SLC25A23: variants seen among roughly 807,000 people sequenced by gnomAD.
The protein encoded by SLC25A23 is solute carrier family 25 member 23.
SLC25A23 carries 32 observed loss-of-function variants against 53.9 expected under a neutral mutation model. That is an observed-to-expected ratio of 0.59 (90% CI 0.45 to 0.80). The LOEUF (loss-of-function observed/expected upper bound fraction) is 0.80, where lower values mean the gene tolerates loss of function less well. SLC25A23 is among the 30% of genes least tolerant of loss of function. The probability of loss-of-function intolerance (pLI) is 0.00; values close to 1 mark genes in which losing one functional copy is unlikely to be tolerated. For missense variants in SLC25A23, 575 were observed against 651.4 expected (o/e 0.88, Z 1.28); for synonymous variants, 275 against 264.5 (o/e 1.04, Z -0.38).
intron 8 of SLC25A23, among the ~76,000 whole-genome samples, chr19:6,447,303 C>T (rs143765533): frequency 1.3e-5 from 2 of 151,982 alleles, no homozygotes; most frequent in East Asian, 3.9e-4. Flanking sequence ...AAGACCAAAA[C>T]TATTATTATT....
intron 9 of SLC25A23, chr19:6,443,525 G>C: frequency 2.9e-6 from 2 of 694,648 alleles, no homozygotes; most frequent in South Asian, 3.0e-5. Context: ...ACTGTGCCCG[G>C]CCTCCTTCTC....
At chr19:6,458,670 T>C (rs1158695644) in intron 1 of SLC25A23, among the ~76,000 whole-genome samples, 1 of 151,358 alleles carries the variant, frequency 6.6e-6, no homozygotes, top group Non-Finnish European at 1.5e-5. Flanking sequence ...GTTTTTGTTA[T>C]TTTTTTAGGT....
chr19:6,453,530 G>A (rs192089333), intron 7 of SLC25A23, among the ~76,000 whole-genome samples: 37 of 152,160 alleles, frequency 2.4e-4, no homozygotes, highest in South Asian at 1.7e-3. Flanking sequence ...GCTAGACATC[G>A]CACCCAGCTG....
intron 7 of SLC25A23, 149 bp downstream of exon 7, chr19:6,453,832 A>G (rs538523668): frequency 2.2e-5 from 13 of 599,292 alleles, no homozygotes; most frequent in Non-Finnish European, 3.1e-5. Flanking sequence ...CAGGCTACAC[A>G]TGAAATTGCA....
chr19:6,457,490 C>T lies in SLC25A23; in HGVS notation c.371+13G>A, dbSNP rs745621991. 1.9e-6 allele frequency: 3 copies of T among 1,613,250 alleles called. No homozygotes were observed. The highest frequency in any genetic ancestry group is 4.5e-5 in the East Asian group (2 of 44,872). ...CCTGAGTTACTTTGGATTCCAGACCCCCAGCGACTCACCTGTGCAAAATTT... is the reference window on the plus strand; with the variant it reads ...CCTGAGTTACTTTGGATTCCAGACCTCCAGCGACTCACCTGTGCAAAATTT... On this transcript the variant is annotated intron_variant, in intron 3 of 9. Transcript: ENST00000301454.
At chr19:6,458,658 T>C (rs2092716530) in intron 1 of SLC25A23, among the ~76,000 whole-genome samples, 1 of 152,182 alleles carries the variant, frequency 6.6e-6, no homozygotes, top group Non-Finnish European at 1.5e-5. Flanking sequence ...CTCTTGTTTT[T>C]AGTTTTTGTT....
chr19:6,436,521 C>A, downstream of SLC25A23: 1 of 444,870 alleles, frequency 2.2e-6, no homozygotes, highest in South Asian at 1.6e-5. Flanking sequence ...GAGCATGTAA[C>A]CAATAACCAG....
Position 6,454,747 on chromosome 19 carries a change from C to A in SLC25A23, c.484-30G>T. The A allele has an allele frequency of 6.2e-7, 1 of 1,610,488 alleles. No homozygotes were observed. Among genetic ancestry groups the A allele is most frequent in the Middle Eastern group, 1.7e-4 (1 of 6,026 alleles). On this transcript the variant is annotated intron_variant, in intron 4 of 9. Coordinates refer to ENST00000301454, the MANE Select transcript of SLC25A23 (RefSeq NM_024103.3). The surrounding 1 kb of genome is among the most constrained non-coding windows in gnomAD (Gnocchi z 4.3). ...AGATACAGGTGTTGGGGGTGTCATG[C>A]CATGGTGGGGACAGGGAGATGTGAC...
In SLC25A23 at chr19:6,454,485, G is replaced by A. The variant is rs998781995; in HGVS notation, c.643-10C>T. ...TCTTTGAGGCATGGACCTGAATGGGGAGACAACAGCTTGGAGGTCCCCTCC... is the reference window on the plus strand; with the variant it reads ...TCTTTGAGGCATGGACCTGAATGGGAAGACAACAGCTTGGAGGTCCCCTCC... On this transcript the variant is annotated splice_polypyrimidine_tract_variant and intron_variant, in intron 5 of 9. Transcript: ENST00000301454. This position sits in a 1 kb window ranked among gnomAD's most constrained non-coding sequence, Gnocchi z 4.3. 3 of 1,613,982 alleles carry A rather than the reference G, an allele frequency of 1.9e-6. No individual in the cohort carries two copies. Among genetic ancestry groups the A allele is most frequent in the East Asian group, 2.2e-5 (1 of 44,876 alleles).
chr19:6,443,513 C>T (rs1418438646), intron 9 of SLC25A23: 2 of 684,112 alleles, frequency 2.9e-6, no homozygotes, highest in Non-Finnish European at 5.3e-6. Flanking sequence ...CAGATGTGAG[C>T]CACTGTGCCC....
chr19:6,456,131 G>A, intron 4 of SLC25A23: 2 of 1,425,154 alleles, frequency 1.4e-6, no homozygotes, highest in Middle Eastern at 1.8e-4. Flanking sequence ...TACCCCATCT[G>A]GTGAGCTCTT....
chr19:6,448,203 A>G (rs911722328), intron 8 of SLC25A23, among the ~76,000 whole-genome samples: 4 of 152,160 alleles, frequency 2.6e-5, no homozygotes, highest in East Asian at 1.9e-4. Context: ...TCCTATGCCA[A>G]TTCTAATCCA....
In SLC25A23 at chr19:6,452,297, G is replaced by A. The variant is rs753709495; in HGVS notation, c.1071+15C>T. On this transcript the variant is annotated intron_variant, in intron 8 of 9. Coordinates refer to ENST00000301454, the MANE Select transcript of SLC25A23 (RefSeq NM_024103.3). ...CAGAGGGGAGCAGGGAAAGAGGAAC[G>A]CGCTGCCCACAGACCTCGTAGACGG... 30 of 1,600,316 alleles carry A rather than the reference G, an allele frequency of 1.9e-5. No individual in the cohort carries two copies. The African/African-American group carries it at 2.3e-4, about 12-fold the overall frequency.
intron 8 of SLC25A23, among the ~76,000 whole-genome samples, chr19:6,445,801 C>T (rs1325572776): frequency 6.6e-6 from 1 of 152,146 alleles, no homozygotes; most frequent in Non-Finnish European, 1.5e-5. Context: ...CCTGTAATCC[C>T]AGCACTTTGG....
chr19:6,454,158 C>T lies in SLC25A23; in HGVS notation c.796-70G>A, dbSNP rs1164981894. 7 of 1,531,886 alleles carry T rather than the reference C, an allele frequency of 4.6e-6. No homozygotes were observed. Among genetic ancestry groups the T allele is most frequent in the African/African-American group, 2.7e-5 (2 of 73,186 alleles). The allele number at this position is 1,531,886 out of a possible 1,614,324, so 94.9% of individuals were successfully genotyped here. A position where few individuals can be genotyped will look rare whatever the true frequency, so the allele number is the denominator to read the frequency against. ...ACCTTCCTTGCACTCCACTGTTCTC[C>T]TGGCTTCCAAAGAACTGGCTTGCTG... On this transcript the variant is annotated intron_variant, in intron 6 of 9. Coordinates refer to ENST00000301454, the MANE Select transcript of SLC25A23 (RefSeq NM_024103.3). The surrounding 1 kb of genome is among the most constrained non-coding windows in gnomAD (Gnocchi z 4.3).
chr19:6,444,799 C>T lies in SLC25A23; in HGVS notation c.1072-498G>A, dbSNP rs188185953. The stretch of plus-strand genomic sequence containing the variant: ...TCTCTTGCCTCAGCCTCCCGGGTAG[C>T]TGGGAATACAGGTGCGTGCCACCAC... On this transcript the variant is annotated intron_variant, in intron 8 of 9. Coordinates refer to ENST00000301454, the MANE Select transcript of SLC25A23 (RefSeq NM_024103.3). Among the ~76,000 whole-genome samples, 19 of 151,360 alleles carry T rather than the reference C, an allele frequency of 1.3e-4. 1 individual carries two copies. Among genetic ancestry groups the T allele is most frequent in the African/African-American group, 4.4e-4 (18 of 41,254 alleles).
At chr19:6,457,788 T>TG (rs1019410885) in intron 2 of SLC25A23, among the ~76,000 whole-genome samples, 198 bp from the exon 3 acceptor site, 3 of 150,656 alleles carry the variant, frequency 2.0e-5, no homozygotes, top group Middle Eastern at 3.2e-3. Flanking sequence ...TGGGAAATAC[T>TG]GGGGGGGCTT....
chr19:6,439,222 A>C (rs539515658), downstream of SLC25A23, among the ~76,000 whole-genome samples: 10 of 152,130 alleles, frequency 6.6e-5, no homozygotes, highest in Admixed American at 2.0e-4. Context: ...CCTGTCTCAA[A>C]AATAAATTAG....
At chr19:6,458,708 T>A (rs2092717630) in intron 1 of SLC25A23, among the ~76,000 whole-genome samples, 1 of 152,168 alleles carries the variant, frequency 6.6e-6, no homozygotes, top group Admixed American at 6.5e-5. Context: ...CCCAGCTGCC[T>A]CTTAAAAAAC....
Sources: allele counts gnomAD v4.1 joint callset (sites outside exome capture counted in the v4.1 genomes callset), GRCh38; gene constraint gnomAD v4.1.1; non-coding constraint Gnocchi (gnomAD v3.1); transcripts MANE v1.5; gene names NCBI Gene and HGNC (gene_info 2026-07-23, HGNC 2026-07-21).